Variants in TMEM131L observed in about 807,000 individuals in gnomAD.
The protein encoded by TMEM131L is transmembrane protein 131-like.
TMEM131L carries 54 observed loss-of-function variants against 192.2 expected under a neutral mutation model. The observed-to-expected ratio is 0.28, with a 90% CI of 0.23 to 0.35. The LOEUF is 0.35. Among genes scored for constraint, TMEM131L ranks in the 10% least tolerant of loss-of-function variants. The probability of loss-of-function intolerance (pLI) is 1.00; values close to 1 mark genes in which losing one functional copy is unlikely to be tolerated. For missense variants in TMEM131L, 1,888 were observed against 1,972.9 expected, an observed-to-expected ratio of 0.96 and a Z score of 0.82; for synonymous variants, 701 against 704.9, an observed-to-expected ratio of 0.99 and a Z score of 0.09.
intron 6 of TMEM131L, among the ~76,000 whole-genome samples, chr4:153,557,369 C>T (rs1728545232): frequency 6.6e-6 from 1 of 152,160 alleles, no homozygotes; most frequent in South Asian, 2.1e-4. Context: ...TCATAAAATA[C>T]AGAAGGCTTT....
intron 7 of TMEM131L, among the ~76,000 whole-genome samples, chr4:153,568,468 C>T (rs1371550405): frequency 6.6e-6 from 1 of 152,158 alleles, no homozygotes; most frequent in African/African-American, 2.4e-5. Context: ...TGACTAGTTC[C>T]TTACTGAAAA....
In TMEM131L at chr4:153,569,999, T is replaced by A. The variant is rs573467869; in HGVS notation, c.661-10827T>A. On this transcript the variant is annotated intron_variant, in intron 7 of 34. Transcript: ENST00000409959. ...AGAATTTGAAGTCCTCTTCAATTTC[T>A]TGTTTTTATTTTATTTTATTTTATT... Among the ~76,000 whole-genome samples the A allele has an allele frequency of 7.2e-4, 110 of 152,154 alleles. 1 individual carries two copies. Among genetic ancestry groups the A allele is most frequent in the African/African-American group, 2.5e-3 (105 of 41,414 alleles).
intron 3 of TMEM131L, among the ~76,000 whole-genome samples, chr4:153,481,785 G>C (rs1227923504): frequency 6.6e-6 from 1 of 152,124 alleles, no homozygotes; most frequent in South Asian, 2.1e-4. Flanking sequence ...TGATCCACCC[G>C]CCTTAGCCTC....
intron 3 of TMEM131L, among the ~76,000 whole-genome samples, chr4:153,487,131 C>T: frequency 6.6e-6 from 1 of 152,182 alleles, no homozygotes; most frequent in Non-Finnish European, 1.5e-5. Flanking sequence ...GATGCACGCT[C>T]AAGTTTGAAA....
intron 3 of TMEM131L, among the ~76,000 whole-genome samples, chr4:153,537,255 G>A (rs1358591656): frequency 6.6e-6 from 1 of 152,186 alleles, no homozygotes; most frequent in Non-Finnish European, 1.5e-5. Context: ...CTCCACCTTT[G>A]TAGATTGTTC....
At chr4:153,623,156 A>T in intron 29 of TMEM131L, 73 bp downstream of exon 29, 1 of 1,361,496 alleles carries the variant, frequency 7.3e-7, no homozygotes, top group South Asian at 1.5e-5. Flanking sequence ...CAGTCCACAC[A>T]GTCTCGATCT....
chr4:153,575,380 C>G (rs1729865397), intron 7 of TMEM131L, among the ~76,000 whole-genome samples: 1 of 152,134 alleles, frequency 6.6e-6, no homozygotes, highest in Non-Finnish European at 1.5e-5. Context: ...TTTTCTTGAC[C>G]TTTGCATTTT....
chr4:153,530,875 G>A (rs1735849215), intron 3 of TMEM131L, among the ~76,000 whole-genome samples: 6 of 152,174 alleles, frequency 3.9e-5, no homozygotes, highest in Admixed American at 3.9e-4. Context: ...AGTTCCATGT[G>A]GTTCTGGGAG....
chr4:153,521,695 G>A (rs1399441240), intron 3 of TMEM131L, among the ~76,000 whole-genome samples: 4 of 151,630 alleles, frequency 2.6e-5, no homozygotes, highest in African/African-American at 4.9e-5. Context: ...CCTCCCTCCC[G>A]CTCAAGCCCG....
intron 2 of TMEM131L, 78 bp downstream of exon 2, chr4:153,467,359 C>G (rs1169635224): frequency 1.6e-6 from 2 of 1,284,908 alleles, no homozygotes; most frequent in African/African-American, 1.5e-5. Flanking sequence ...CCTCCCCACC[C>G]CCTGTCCAAG....
At chr4:153,481,463 G>A (rs1004040730) in intron 3 of TMEM131L, among the ~76,000 whole-genome samples, 11 of 152,162 alleles carry the variant, frequency 7.2e-5, no homozygotes, top group African/African-American at 2.4e-4. Flanking sequence ...CGTCCTCCAC[G>A]TTCAAGCCTG....
At chr4:153,523,376 G>A (rs568424197) in intron 3 of TMEM131L, among the ~76,000 whole-genome samples, 1 of 152,192 alleles carries the variant, frequency 6.6e-6, no homozygotes, top group Admixed American at 6.5e-5. Flanking sequence ...TTTGCCTTAA[G>A]CTAGCAGAGG....
At chr4:153,621,314 T>C (rs1370915745) in intron 27 of TMEM131L, among the ~76,000 whole-genome samples, 1 of 152,124 alleles carries the variant, frequency 6.6e-6, no homozygotes, top group Non-Finnish European at 1.5e-5. Context: ...AACAGAATAG[T>C]TACCCCTCAG....
At position 153,550,009 on chromosome 4, in the gene TMEM131L, C is replaced by T. The variant is rs59743932; in HGVS notation, c.240-64C>T. On this transcript the variant is annotated intron_variant, in intron 3 of 34. Coordinates refer to ENST00000409959, the MANE Select transcript of TMEM131L (RefSeq NM_001131007.2). ...GCATTGAGAGTCATTAGTCTAAGTA[C>T]GTTATATCTCAGCATTTAAATGTTA... 10,008 of 746,506 alleles carry T rather than the reference C, an allele frequency of 0.013. 559 individuals carry two copies. In the African/African-American group the frequency reaches 0.14, roughly 10 times the overall value. The allele number at this position is 746,506 out of a possible 1,614,324, so 46.2% of individuals were successfully genotyped here.
rs753546083 is a variant in TMEM131L, at chr4:153,626,202, T to G, written c.4101T>G (p.Leu1367=). 2 of 1,610,488 alleles carry G rather than the reference T, an allele frequency of 1.2e-6. No homozygotes were observed. Among genetic ancestry groups the G allele is most frequent in the African/African-American group, 1.3e-5 (1 of 74,860 alleles). The part of the protein sequence containing the change: ...FPSEAPISLN[L]SHNICNPMTV... The stretch of plus-strand genomic sequence containing the variant: ...CTGAAGCTCCCATCTCCTTGAATCT[T>G]TCTCATAACATCTGCAATCCCATGT... The change falls in exon 30 of 35, where the codon CTT becomes CTG. Residue 1367 remains leucine (L), a synonymous_variant. Transcript: ENST00000409959.
At position 153,621,837 on chromosome 4, in the gene TMEM131L, C is replaced by T. The variant is rs1325451116; in HGVS notation, c.3847C>T (p.Gln1283Ter). ...AATTGCAAGCAGTTTACCTGCTGCCCAGAGAGAGGCAGGTATGTAATGATA... is the reference window on the plus strand; with the variant it reads ...AATTGCAAGCAGTTTACCTGCTGCCTAGAGAGAGGCAGGTATGTAATGATA... ...AEIASSLPAA[Q>*]REAEGYYQKP... Residue 1283 changes from glutamine (Q) to a stop codon, truncating the protein, a stop_gained, in exon 28 of 35, where the codon CAG (glutamine) becomes TAG (stop). Coordinates refer to ENST00000409959, the MANE Select transcript of TMEM131L (RefSeq NM_001131007.2). LOFTEE classifies it high-confidence loss of function. 1 of 1,613,844 alleles carries T rather than the reference C, an allele frequency of 6.2e-7. No homozygotes were observed. The highest frequency in any genetic ancestry group is 1.7e-5 in the Admixed American group (1 of 60,008).
rs367633326 is a variant in TMEM131L at position 153,498,918 on chromosome 4, A to T, written c.239+25030A>T. The stretch of plus-strand genomic sequence containing the variant: ...AAAAAAACCCACTGGAATTAAGTGA[A>T]ACTTCACAACACTGCACAATGTAGC... On this transcript the variant is annotated intron_variant, in intron 3 of 34. Coordinates refer to ENST00000409959, the MANE Select transcript of TMEM131L (RefSeq NM_001131007.2). 1.4e-4 allele frequency among the ~76,000 whole-genome samples: 22 copies of T among 152,356 alleles called. No individual in the cohort carries two copies. In the South Asian group the frequency reaches 2.5e-3, roughly 17 times the overall value.
chr4:153,602,513 G>A (rs1220193851), intron 22 of TMEM131L, 29 bp from the exon 23 acceptor site: 1 of 1,608,882 alleles, frequency 6.2e-7, no homozygotes, highest in Admixed American at 1.7e-5. Flanking sequence ...ACAATTAAAA[G>A]TTCATAAAGA....
chr4:153,612,733 T>C (rs1186815792), intron 26 of TMEM131L, among the ~76,000 whole-genome samples: 1 of 152,160 alleles, frequency 6.6e-6, no homozygotes, highest in Non-Finnish European at 1.5e-5. Flanking sequence ...GGCATACTCT[T>C]GCTGAGTTGT....
Sources: allele counts gnomAD v4.1 joint callset (sites outside exome capture counted in the v4.1 genomes callset), GRCh38; gene constraint gnomAD v4.1.1; transcripts MANE v1.5; gene names NCBI Gene and HGNC (gene_info 2026-07-23, HGNC 2026-07-21).